ROBO1: variants seen among roughly 807,000 people sequenced by gnomAD.
ROBO1 encodes roundabout homolog 1.
ROBO1 carries 149 observed loss-of-function variants against 195.9 expected under a neutral mutation model. The observed-to-expected ratio is 0.76, with a 90% CI of 0.67 to 0.87. ROBO1 has a LOEUF of 0.87. Among genes scored for constraint, ROBO1 ranks in the 40% least tolerant of loss-of-function variants. The probability of loss-of-function intolerance (pLI) is 0.00; values close to 1 mark genes in which losing one functional copy is unlikely to be tolerated. For missense variants in ROBO1, 1,933 were observed against 2,068.3 expected (o/e 0.93, Z 1.27); for synonymous variants, 816 against 733.2 (o/e 1.11, Z -1.82).
chr3:79,588,336 T>C (rs1943894664), intron 2 of ROBO1, among the ~76,000 whole-genome samples: 1 of 151,712 alleles, frequency 6.6e-6, no homozygotes, highest in Non-Finnish European at 1.5e-5. Flanking sequence ...TATATATTCA[T>C]ACATGCATTC....
chr3:79,315,720 T>C (rs2109109886), intron 2 of ROBO1, among the ~76,000 whole-genome samples: 1 of 152,320 alleles, frequency 6.6e-6, no homozygotes, highest in Middle Eastern at 3.4e-3. Context: ...AGTACAGATG[T>C]CAAGTAGATA....
At chr3:79,248,031 T>A (rs1471181027) in intron 2 of ROBO1, among the ~76,000 whole-genome samples, 1 of 152,160 alleles carries the variant, frequency 6.6e-6, no homozygotes, top group Non-Finnish European at 1.5e-5. Context: ...ATTAATGATG[T>A]TCTCCTGATG....
chr3:79,116,377 TTC>T (rs1193568285), intron 3 of ROBO1, among the ~76,000 whole-genome samples: 1 of 151,262 alleles, frequency 6.6e-6, no homozygotes, highest in Non-Finnish European at 1.5e-5. Context: ...GTTCTTTTCT[TTC>T]TTTCTCTCTC....
At chr3:79,141,991 T>A (rs1424036589) in intron 2 of ROBO1, among the ~76,000 whole-genome samples, 1 of 152,102 alleles carries the variant, frequency 6.6e-6, no homozygotes, top group Non-Finnish European at 1.5e-5. Context: ...TGTGGGGATA[T>A]CTGCCAGCCT....
intron 3 of ROBO1, among the ~76,000 whole-genome samples, chr3:79,065,580 G>A (rs1259291481): frequency 6.6e-6 from 1 of 151,884 alleles, no homozygotes; most frequent in Non-Finnish European, 1.5e-5. Flanking sequence ...TCAGGGTCAT[G>A]TCAAAAGATT....
At chr3:79,635,781 G>A (rs1403168062) in intron 1 of ROBO1, among the ~76,000 whole-genome samples, 1 of 152,140 alleles carries the variant, frequency 6.6e-6, no homozygotes, top group Non-Finnish European at 1.5e-5. Flanking sequence ...GTAGGAGGCC[G>A]AGATGGAATG....
intron 1 of ROBO1, among the ~76,000 whole-genome samples, chr3:79,763,491 A>G (rs925189316): frequency 2.6e-5 from 4 of 152,144 alleles, no homozygotes; most frequent in Non-Finnish European, 5.9e-5. Context: ...AGGAACATGA[A>G]CCACCCTAGA....
At chr3:79,364,441 T>C (rs2035889822) in intron 2 of ROBO1, among the ~76,000 whole-genome samples, 1 of 151,986 alleles carries the variant, frequency 6.6e-6, no homozygotes, top group Admixed American at 6.6e-5. Flanking sequence ...AATATCTCCA[T>C]TTGTTTTAAC....
At chr3:79,454,864 A>T (rs1483054278) in intron 2 of ROBO1, among the ~76,000 whole-genome samples, 1 of 152,154 alleles carries the variant, frequency 6.6e-6, no homozygotes, top group African/African-American at 2.4e-5. Flanking sequence ...GGTAAAACAC[A>T]GAATTTGTTA....
intron 3 of ROBO1, among the ~76,000 whole-genome samples, chr3:78,966,842 A>G (rs1004291483): frequency 2.0e-5 from 3 of 152,188 alleles, no homozygotes; most frequent in African/African-American, 7.2e-5. Context: ...TCCCACAGTA[A>G]ATGAATTATC....
At position 78,911,946 on chromosome 3, in the gene ROBO1, A is replaced by G. The variant is rs545754912; in HGVS notation, c.499+26655T>C. On this transcript the variant is annotated intron_variant, in intron 4 of 30. Transcript: ENST00000464233. Reference sequence around the variant, plus strand: ...GTCTTTCTTTAGTATAAGAAATGAAACATACTGTAGTTTAAACAAGAGAGA... The same window carrying G: ...GTCTTTCTTTAGTATAAGAAATGAAGCATACTGTAGTTTAAACAAGAGAGA... 2.0e-5 allele frequency among the ~76,000 whole-genome samples: 3 copies of G among 152,228 alleles called. No individual in the cohort carries two copies. In the South Asian group the frequency reaches 6.2e-4, roughly 32 times the overall value.
At chr3:78,924,474 C>T (rs1013883236) in intron 4 of ROBO1, among the ~76,000 whole-genome samples, 8 of 151,928 alleles carry the variant, frequency 5.3e-5, no homozygotes, top group Admixed American at 6.6e-5. Flanking sequence ...ATGAATAAAT[C>T]ATATGTTTCA....
chr3:79,106,354 G>A (rs1050931232), intron 3 of ROBO1, among the ~76,000 whole-genome samples: 4 of 151,168 alleles, frequency 2.6e-5, no homozygotes, highest in Non-Finnish European at 4.4e-5. Flanking sequence ...ACATTCTCCG[G>A]GGTTCATTAA....
intron 2 of ROBO1, among the ~76,000 whole-genome samples, chr3:79,374,599 C>A (rs533577102): frequency 6.6e-6 from 1 of 152,152 alleles, no homozygotes; most frequent in Admixed American, 6.5e-5. Flanking sequence ...AAGATATGTG[C>A]ATATTTTAAA....
chr3:78,731,799 T>C (rs1228234489), intron 5 of ROBO1, among the ~76,000 whole-genome samples: 1 of 152,132 alleles, frequency 6.6e-6, no homozygotes, highest in African/African-American at 2.4e-5. Context: ...TGCAAAAGCT[T>C]AACATCTGAA....
At chr3:79,616,014 T>C (rs1401500983) in intron 1 of ROBO1, among the ~76,000 whole-genome samples, 1 of 152,118 alleles carries the variant, frequency 6.6e-6, no homozygotes, top group Non-Finnish European at 1.5e-5. Flanking sequence ...ACGGAAAGAA[T>C]AGGTGGAGGT....
chr3:78,846,899 G>A (rs926256474), intron 4 of ROBO1, among the ~76,000 whole-genome samples: 4 of 152,274 alleles, frequency 2.6e-5, no homozygotes, highest in Admixed American at 2.6e-4. Flanking sequence ...CATAGCCTCA[G>A]ACTAGCAGCT....
intron 2 of ROBO1, among the ~76,000 whole-genome samples, chr3:79,403,869 G>T (rs1310883865): frequency 6.6e-6 from 1 of 151,898 alleles, no homozygotes. Context: ...CATCATGATG[G>T]TATCATTTGG....
intron 3 of ROBO1, among the ~76,000 whole-genome samples, chr3:78,943,131 G>C (rs1388888542): frequency 6.6e-6 from 1 of 152,032 alleles, no homozygotes; most frequent in African/African-American, 2.4e-5. Flanking sequence ...CAGGAGAATG[G>C]CGTGAACCTG....
Sources: gnomAD v4.1 joint callset for allele counts (sites outside exome capture counted in the v4.1 genomes callset) on GRCh38, gnomAD v4.1.1 for gene constraint, MANE v1.5 for transcripts, NCBI Gene and HGNC (gene_info 2026-07-23, HGNC 2026-07-21) for gene names.